KDM2A: variants seen among roughly 807,000 people sequenced by gnomAD.
The protein encoded by KDM2A is lysine demethylase 2A, also known as lysine-specific demethylase 2A.
Under a neutral mutation model 137.3 loss-of-function variants are expected in KDM2A, and 3 were observed. That is an observed-to-expected ratio of 0.02 (90% CI 0.01 to 0.06). The LOEUF (loss-of-function observed/expected upper bound fraction) is 0.06. Ranked by LOEUF, KDM2A falls within the 10% of genes least tolerant of loss-of-function variation. The probability of loss-of-function intolerance (pLI) is 1.00; values close to 1 mark genes in which losing one functional copy is unlikely to be tolerated. For missense variants in KDM2A, 738 were observed against 1,510.6 expected (o/e 0.49, Z 8.48); for synonymous variants, 512 against 541.5 (o/e 0.95, Z 0.76).
intron 12 of KDM2A, among the ~76,000 whole-genome samples, chr11:67,242,042 C>A (rs752466840): frequency 9.2e-5 from 14 of 152,044 alleles, no homozygotes; most frequent in Non-Finnish European, 2.1e-4. Context: ...CCACTGCACT[C>A]CAGCCTGAGC....
chr11:67,180,027 G>A lies in KDM2A; in HGVS notation c.43-52G>A, dbSNP rs77198734. On this transcript the variant is annotated intron_variant, in intron 2 of 20. Transcript: ENST00000529006. ...GTAGGGAAATCTATGACCACTTGTAGGTAGGCATGAAAAAGTGCATGATTT... is the reference window on the plus strand; with the variant it reads ...GTAGGGAAATCTATGACCACTTGTAAGTAGGCATGAAAAAGTGCATGATTT... 3.8e-6 allele frequency: 6 copies of A among 1,568,768 alleles called. No individual in the cohort carries two copies. The Admixed American group carries it at 1.1e-4, about 29-fold the overall frequency.
At chr11:67,243,975 C>T (rs1859128008) in intron 13 of KDM2A, among the ~76,000 whole-genome samples, 2 of 152,208 alleles carry the variant, frequency 1.3e-5, no homozygotes. Context: ...CTGATCCTGG[C>T]TGTGAATTTG....
chr11:67,133,952 A>C (rs543611455), intron 2 of KDM2A, among the ~76,000 whole-genome samples: 21 of 152,304 alleles, frequency 1.4e-4, no homozygotes, highest in African/African-American at 5.1e-4. Flanking sequence ...TCGGCCTCCC[A>C]AAGTGCTAGG....
intron 12 of KDM2A, among the ~76,000 whole-genome samples, chr11:67,235,564 A>G (rs1858845927): frequency 6.6e-6 from 1 of 151,314 alleles, no homozygotes; most frequent in African/African-American, 2.4e-5. Flanking sequence ...CTGCCTCCCA[A>G]AGTGCTGGAA....
intron 5 of KDM2A, among the ~76,000 whole-genome samples, chr11:67,189,626 G>A (rs1285715488): frequency 6.6e-6 from 1 of 152,130 alleles, no homozygotes; most frequent in Non-Finnish European, 1.5e-5. Flanking sequence ...GATCACCTGA[G>A]GTCAGGAGTT....
intron 2 of KDM2A, among the ~76,000 whole-genome samples, chr11:67,173,184 G>A (rs1170046029): frequency 7.2e-5 from 11 of 152,024 alleles, no homozygotes; most frequent in Non-Finnish European, 1.0e-4. Context: ...GTGCAGTGGC[G>A]CGATCTCAGC....
At position 67,187,839 on chromosome 11, in the gene KDM2A, G is replaced by T. The variant is rs370664537; in HGVS notation, c.307+5947G>T. ...TCTGCCCACCTGGGCCTTCCAAGGT[G>T]CTGGGGATTATAGGCGTGAGCCATG... On this transcript the variant is annotated intron_variant, in intron 5 of 20. Coordinates refer to ENST00000529006, the MANE Select transcript of KDM2A (RefSeq NM_012308.3). Among the ~76,000 whole-genome samples, 4 of 152,224 alleles carry T rather than the reference G, an allele frequency of 2.6e-5. No homozygotes were observed. In the East Asian group the frequency reaches 5.8e-4, roughly 22 times the overall value.
intron 12 of KDM2A, among the ~76,000 whole-genome samples, chr11:67,233,993 C>G (rs1858795540): frequency 1.3e-5 from 2 of 152,178 alleles, no homozygotes; most frequent in Admixed American, 6.5e-5. Flanking sequence ...TTTGAATTCT[C>G]CCTCCAGAGA....
At chr11:67,145,638 C>T (rs949164980) in intron 2 of KDM2A, among the ~76,000 whole-genome samples, 3 of 151,968 alleles carry the variant, frequency 2.0e-5, no homozygotes, top group Admixed American at 6.6e-5. Context: ...AAAGACTGGA[C>T]ACCTGGTATT....
chr11:67,142,193 C>T (rs1032248308), intron 2 of KDM2A, among the ~76,000 whole-genome samples: 3 of 151,812 alleles, frequency 2.0e-5, no homozygotes, highest in Non-Finnish European at 4.4e-5. Flanking sequence ...TGCATCACCA[C>T]GCCCGGCTAA....
At chr11:67,162,027 G>A (rs1002899437) in intron 2 of KDM2A, among the ~76,000 whole-genome samples, 4 of 152,128 alleles carry the variant, frequency 2.6e-5, no homozygotes, top group African/African-American at 4.8e-5. Flanking sequence ...GTACCTCACT[G>A]TAGTACAGTG....
chr11:67,210,338 GA>G (rs143412349), intron 6 of KDM2A, among the ~76,000 whole-genome samples: 66 of 139,948 alleles, frequency 4.7e-4, no homozygotes, highest in African/African-American at 1.6e-3. Flanking sequence ...TTCTACTTTT[GA>G]AAAAAAAAAC....
At chr11:67,181,975 G>T in intron 5 of KDM2A, 83 bp downstream of exon 5, 1 of 1,152,328 alleles carries the variant, frequency 8.7e-7, no homozygotes, top group Non-Finnish European at 1.3e-6. Context: ...TGAGATTTAA[G>T]GCCTAGGAAC....
chr11:67,130,679 TTC>T (rs1195225647), intron 2 of KDM2A, among the ~76,000 whole-genome samples: 1 of 152,178 alleles, frequency 6.6e-6, no homozygotes, highest in Non-Finnish European at 1.5e-5. Context: ...TTCATTAATT[TTC>T]TCTGTTTATC....
chr11:67,174,697 TA>T (rs1344839004), intron 2 of KDM2A, among the ~76,000 whole-genome samples: 1 of 152,222 alleles, frequency 6.6e-6, no homozygotes, highest in African/African-American at 2.4e-5. Context: ...GAATGGTGAA[TA>T]TTTTTTAAGA....
In KDM2A at chr11:67,163,854, TAA is replaced by T. The variant is rs200466687; in HGVS notation, c.43-16209_43-16208del. ...CTGGTGACAGAGCGACACTCCATCT[TAA>T]AAAAAAAAAAAAAAATCACAGTTGC... On this transcript the variant is annotated intron_variant, in intron 2 of 20. Coordinates refer to ENST00000529006, the MANE Select transcript of KDM2A (RefSeq NM_012308.3). Among the ~76,000 whole-genome samples, 32 of 138,550 alleles carry T rather than the reference TAA, an allele frequency of 2.3e-4. 1 individual carries two copies. Among genetic ancestry groups the T allele is most frequent in the Non-Finnish European group, 3.6e-4 (23 of 63,238 alleles). The allele number at this position is 138,550 out of a possible 152,430, so 90.9% of individuals were successfully genotyped here.
chr11:67,224,354 C>G (rs1195139525), intron 10 of KDM2A, among the ~76,000 whole-genome samples: 2 of 152,016 alleles, frequency 1.3e-5, no homozygotes, highest in Non-Finnish European at 2.9e-5. Context: ...CCTATAATCC[C>G]AAGTACTTTT....
At chr11:67,135,014 A>G (rs1325898239) in intron 2 of KDM2A, among the ~76,000 whole-genome samples, 3 of 152,210 alleles carry the variant, frequency 2.0e-5, no homozygotes, top group East Asian at 3.9e-4. Flanking sequence ...TTTCGGTAAC[A>G]TAAGCATTCA....
chr11:67,215,773 A>G (rs1231358682), intron 7 of KDM2A, 83 bp from the exon 8 acceptor site: 8 of 959,962 alleles, frequency 8.3e-6, no homozygotes, highest in Admixed American at 1.8e-5. Flanking sequence ...AAGGGAGTAT[A>G]TAAGAGGAGA....
Sources: allele counts gnomAD v4.1 joint callset (sites outside exome capture counted in the v4.1 genomes callset), GRCh38; gene constraint gnomAD v4.1.1; transcripts MANE v1.5; gene names NCBI Gene and HGNC (gene_info 2026-07-23, HGNC 2026-07-21).